The following ZDHHC14 variants were observed in gnomAD, a reference collection of about 807,000 sequenced individuals.
ZDHHC14 encodes palmitoyltransferase ZDHHC14.
In ZDHHC14, 16 loss-of-function variants were observed where a neutral mutation model predicts 47.7. That is an observed-to-expected ratio of 0.34 (90% CI 0.23 to 0.51). ZDHHC14 has a LOEUF of 0.51. Ranked by LOEUF, ZDHHC14 falls within the 20% of genes least tolerant of loss-of-function variation. The probability of loss-of-function intolerance (pLI) is 0.97; values close to 1 mark genes in which losing one functional copy is unlikely to be tolerated. For missense variants in ZDHHC14, 515 were observed against 662.5 expected, an observed-to-expected ratio of 0.78 and a Z score of 2.44; for synonymous variants, 293 against 278.9, an observed-to-expected ratio of 1.05 and a Z score of -0.50.
chr6:157,421,219 C>A (rs1162202031), intron 1 of ZDHHC14, among the ~76,000 whole-genome samples: 1 of 151,804 alleles, frequency 6.6e-6, no homozygotes, highest in African/African-American at 2.4e-5. Context: ...AAGCAAACTG[C>A]CTGGGCGCGG....
At chr6:157,413,881 G>A (rs949789359) in intron 1 of ZDHHC14, among the ~76,000 whole-genome samples, 3 of 151,636 alleles carry the variant, frequency 2.0e-5, no homozygotes, top group Non-Finnish European at 4.4e-5. Context: ...TGGAAAGGCC[G>A]GGACGACACT....
intron 2 of ZDHHC14, among the ~76,000 whole-genome samples, chr6:157,551,312 A>C (rs1782221415): frequency 6.6e-6 from 1 of 152,140 alleles, no homozygotes. Flanking sequence ...CACCCTGGAC[A>C]ACTCCTTTGG....
intron 8 of ZDHHC14, among the ~76,000 whole-genome samples, chr6:157,656,329 G>A (rs1778087704): frequency 7.1e-6 from 1 of 141,774 alleles, no homozygotes; most frequent in Admixed American, 6.8e-5. Flanking sequence ...TTCAGTGTAA[G>A]GCTACTTTTC....
intron 2 of ZDHHC14, among the ~76,000 whole-genome samples, chr6:157,566,397 C>G (rs969725670): frequency 6.6e-6 from 1 of 152,124 alleles, no homozygotes; most frequent in Non-Finnish European, 1.5e-5. Context: ...TTTCAGTTCC[C>G]CAGAGCACAA....
intron 2 of ZDHHC14, among the ~76,000 whole-genome samples, chr6:157,546,079 G>T (rs921307535): frequency 2.6e-5 from 4 of 152,164 alleles, no homozygotes; most frequent in African/African-American, 9.7e-5. Flanking sequence ...GGAATAAATG[G>T]CAGAGCTGGT....
At chr6:157,439,591 G>A (rs900866233) in intron 1 of ZDHHC14, among the ~76,000 whole-genome samples, 1 of 152,202 alleles carries the variant, frequency 6.6e-6, no homozygotes, top group Admixed American at 6.5e-5. Flanking sequence ...CATTGTGGAA[G>A]ACAGTGTGGT....
At chr6:157,444,453 G>A (rs1031435378) in intron 1 of ZDHHC14, among the ~76,000 whole-genome samples, 4 of 152,132 alleles carry the variant, frequency 2.6e-5, no homozygotes, top group African/African-American at 7.2e-5. Flanking sequence ...TGAGGCGGGT[G>A]GATCACCTGA....
intron 1 of ZDHHC14, among the ~76,000 whole-genome samples, chr6:157,536,065 G>T (rs1342372895): frequency 6.6e-6 from 1 of 152,144 alleles, no homozygotes; most frequent in Non-Finnish European, 1.5e-5. Context: ...ATTGGCTCAG[G>T]TTATTTCATT....
At chr6:157,598,314 A>G (rs946688428) in intron 3 of ZDHHC14, among the ~76,000 whole-genome samples, 4 of 152,182 alleles carry the variant, frequency 2.6e-5, no homozygotes, top group East Asian at 1.9e-4. Context: ...AAAGCAGGTC[A>G]TTGGAGGGGA....
At chr6:157,608,595 C>T (rs993493187) in intron 3 of ZDHHC14, among the ~76,000 whole-genome samples, 7 of 152,050 alleles carry the variant, frequency 4.6e-5, no homozygotes, top group African/African-American at 1.7e-4. Context: ...TGGGCCTGCC[C>T]GAGGGACCAG....
chr6:157,608,270 A>G lies in ZDHHC14; in HGVS notation c.565+15124A>G, dbSNP rs1379020837. 2.6e-5 allele frequency among the ~76,000 whole-genome samples: 4 copies of G among 151,942 alleles called. 1 individual carries two copies. The East Asian group carries it at 5.8e-4, about 22-fold the overall frequency. ...CTTCAGAAATATCCACTGACGGCCG[A>G]TTATATGGGCTCTGTGCTCGGGAGC... On this transcript the variant is annotated intron_variant, in intron 3 of 8. Transcript: ENST00000359775.
intron 3 of ZDHHC14, among the ~76,000 whole-genome samples, chr6:157,608,148 C>G (rs551395704): frequency 6.6e-6 from 1 of 152,206 alleles, no homozygotes; most frequent in Non-Finnish European, 1.5e-5. Context: ...CAGGAAGTCA[C>G]GCTGTGCGTG....
At chr6:157,426,480 C>A (rs989651401) in intron 1 of ZDHHC14, among the ~76,000 whole-genome samples, 2 of 152,132 alleles carry the variant, frequency 1.3e-5, no homozygotes, top group African/African-American at 4.8e-5. Flanking sequence ...CAGTTTGGCC[C>A]CCACTTCATG....
intron 4 of ZDHHC14, chr6:157,629,953 G>C (rs1259706819): frequency 2.0e-5 from 3 of 152,180 alleles, no homozygotes; most frequent in Non-Finnish European, 4.4e-5. Flanking sequence ...CGATCCTCCA[G>C]CACACACGTA....
intron 2 of ZDHHC14, among the ~76,000 whole-genome samples, chr6:157,548,498 G>T (rs1195259648): frequency 6.6e-6 from 1 of 152,158 alleles, no homozygotes; most frequent in Non-Finnish European, 1.5e-5. Context: ...CCAGGCTGGA[G>T]TGCAATGGCG....
intron 1 of ZDHHC14, among the ~76,000 whole-genome samples, chr6:157,489,082 G>A (rs943703842): frequency 2.6e-5 from 4 of 152,204 alleles, no homozygotes; most frequent in African/African-American, 9.7e-5. Context: ...CAGCAGATCT[G>A]TCTGGAATAA....
chr6:157,466,002 G>A (rs977513655), intron 1 of ZDHHC14, among the ~76,000 whole-genome samples: 4 of 151,908 alleles, frequency 2.6e-5, no homozygotes, highest in African/African-American at 7.3e-5. Flanking sequence ...AGATGGTGCC[G>A]CTGCACTCCA....
intron 1 of ZDHHC14, among the ~76,000 whole-genome samples, chr6:157,429,383 G>A (rs1230875480): frequency 6.6e-6 from 1 of 152,204 alleles, no homozygotes; most frequent in African/African-American, 2.4e-5. Flanking sequence ...ATATAAAAAT[G>A]AATTTATTGC....
intron 8 of ZDHHC14, among the ~76,000 whole-genome samples, chr6:157,672,427 T>A (rs1468604788): frequency 6.6e-6 from 1 of 152,106 alleles, no homozygotes; most frequent in Non-Finnish European, 1.5e-5. Flanking sequence ...TTTAATTATG[T>A]CCTTTAAATT....
Sources: gnomAD v4.1 joint callset for allele counts (sites outside exome capture counted in the v4.1 genomes callset) on GRCh38, gnomAD v4.1.1 for gene constraint, MANE v1.5 for transcripts, NCBI Gene and HGNC (gene_info 2026-07-23, HGNC 2026-07-21) for gene names.